Variants in CYP4B1 observed in about 807,000 individuals in gnomAD.
The protein encoded by CYP4B1 is cytochrome P450 4B1.
A neutral mutation model predicts 54.0 loss-of-function variants in CYP4B1; 45 were observed. The ratio of observed to expected loss-of-function variants is 0.83; its 90% CI spans 0.66 to 1.07. CYP4B1 has a LOEUF of 1.07. Among genes scored for constraint, CYP4B1 ranks in the 50% least tolerant of loss-of-function variants. The pLI, the probability that CYP4B1 is intolerant of heterozygous loss-of-function variation, is 0.00. For missense variants in CYP4B1, 656 were observed against 655.4 expected (o/e 1.00, Z -0.01); for synonymous variants, 248 against 247.5 (o/e 1.00, Z -0.02).
At chr1:46,799,879 C>G (rs1678542346) in intron 1 of CYP4B1, among the ~76,000 whole-genome samples, 1 of 152,238 alleles carries the variant, frequency 6.6e-6, no homozygotes, top group Non-Finnish European at 1.5e-5. Context: ...CCCCTGCTCT[C>G]AGGAAGATCT....
intron 7 of CYP4B1, 122 bp from the exon 8 acceptor site, chr1:46,814,952 C>A (rs569231545): frequency 4.9e-6 from 4 of 811,348 alleles, no homozygotes; most frequent in African/African-American, 3.4e-5. Context: ...TCCTAATCCA[C>A]CCTCTGAAAA....
intron 1 of CYP4B1, among the ~76,000 whole-genome samples, chr1:46,808,936 A>G (rs1159319348): frequency 1.6e-5 from 2 of 123,454 alleles, no homozygotes; most frequent in Non-Finnish European, 3.2e-5. Flanking sequence ...ACATGGACAC[A>G]GGAAGGGGAA....
At chr1:46,815,021 T>C in intron 7 of CYP4B1, 53 bp from the exon 8 acceptor site, 1 of 1,530,766 alleles carries the variant, frequency 6.5e-7, no homozygotes, top group Non-Finnish European at 9.0e-7. Context: ...GAGTTCTTCT[T>C]GTTACCCACC....
chr1:46,818,625 C>T lies in CYP4B1; in HGVS notation c.1356-6C>T. 6.2e-7 allele frequency: 1 copy of T among 1,614,102 alleles called. No homozygotes were observed. The highest frequency in any genetic ancestry group is 8.5e-7 in the Non-Finnish European group (1 of 1,179,914). On this transcript the variant is annotated splice_polypyrimidine_tract_variant and splice_region_variant and intron_variant, in intron 11 of 11. Coordinates refer to ENST00000371923, the MANE Select transcript of CYP4B1 (RefSeq NM_001099772.2). ...GCACGATGACTCTTTGTGCTGCTTG[C>T]TACAGGAACTGCATTGGGCAGCAGT... is the stretch of plus-strand genomic sequence containing the variant.
Position 46,814,063 on chromosome 1 carries a change from G to T in CYP4B1, c.775G>T (p.Asp259Tyr), listed in dbSNP as rs776351257. 6.8e-6 allele frequency: 11 copies of T among 1,613,812 alleles called. No individual in the cohort carries two copies. ...CTGCCAGGTGGCCCATGACCATACA[G>T]GTGGGCCTTTCCCACAAGGCTCACC... Reference protein sequence around the residue: ...RACQVAHDHTDQVIRERKAAL... With the variant: ...RACQVAHDHTYQVIRERKAAL... Residue 259 changes from aspartate (D) to tyrosine (Y), a missense_variant and splice_region_variant, in exon 6 of 12, where the codon GAC becomes TAC. Physicochemically the swap from Asp to Tyr is radical, Grantham distance 160. Transcript: ENST00000371923.
At chr1:46,807,859 T>G (rs908815482) in intron 1 of CYP4B1, among the ~76,000 whole-genome samples, 1 of 152,168 alleles carries the variant, frequency 6.6e-6, no homozygotes, top group Non-Finnish European at 1.5e-5. Context: ...CCAGAAAGGA[T>G]CCCTGGGGGC....
At chr1:46,802,533 A>G (rs1396229830) in intron 1 of CYP4B1, among the ~76,000 whole-genome samples, 2 of 152,224 alleles carry the variant, frequency 1.3e-5, no homozygotes, top group Non-Finnish European at 2.9e-5. Flanking sequence ...GTGTTAAATC[A>G]TCATAGAGGG....
At chr1:46,804,391 G>C (rs1172478283) in intron 1 of CYP4B1, among the ~76,000 whole-genome samples, 1 of 152,116 alleles carries the variant, frequency 6.6e-6, no homozygotes, top group Non-Finnish European at 1.5e-5. Context: ...GTGTTAGCTG[G>C]AGGAGGAAGC....
At position 46,813,582 on chromosome 1, in the gene CYP4B1, G is replaced by C. The variant is rs751942342; in HGVS notation, c.596G>C (p.Arg199Thr). ...LNTLMKCTFG[R>T]GDTGLGHSRD... ...ACACTCATGAAGTGCACCTTTGGAAGAGGAGACACCGGCCTGGGCCACAGG... is the reference window on the plus strand; with the variant it reads ...ACACTCATGAAGTGCACCTTTGGAACAGGAGACACCGGCCTGGGCCACAGG... Residue 199 changes from arginine to threonine, a missense_variant, in exon 5 of 12, where the codon AGA becomes ACA. Transcript: ENST00000371923. 28 of 1,614,134 alleles carry C rather than the reference G, an allele frequency of 1.7e-5. No individual in the cohort carries two copies. The highest frequency in any genetic ancestry group is 1.7e-4 in the Middle Eastern group (1 of 6,056).
At chr1:46,810,052 A>G (rs45563134) in intron 1 of CYP4B1, among the ~76,000 whole-genome samples, 34,208 of 152,068 alleles carry the variant, frequency 0.22, 4,120 homozygotes, top group African/African-American at 0.32. Context: ...GGAAGACACC[A>G]TGATCTTTCC....
intron 1 of CYP4B1, among the ~76,000 whole-genome samples, chr1:46,802,190 GGT>G (rs149282133): frequency 6.6e-6 from 1 of 151,118 alleles, no homozygotes; most frequent in Non-Finnish European, 1.5e-5. Flanking sequence ...GGTGTGTGTG[GGT>G]GTGTGTGTGT....
At chr1:46,807,447 A>T (rs545368874) in intron 1 of CYP4B1, among the ~76,000 whole-genome samples, 11 of 152,084 alleles carry the variant, frequency 7.2e-5, no homozygotes, top group African/African-American at 2.7e-4. Context: ...AGGGATGGAG[A>T]GAAGGGGAAT....
Position 46,810,748 on chromosome 1 carries a change from T to TG in CYP4B1, c.181-56dup, listed in dbSNP as rs1679063055. 12 of 1,601,142 alleles carry TG rather than the reference T, an allele frequency of 7.5e-6. 1 individual carries two copies. The South Asian group carries it at 1.1e-4, about 15-fold the overall frequency. On this transcript the variant is annotated intron_variant, in intron 1 of 11. Transcript: ENST00000371923. ...CTTCTCCCCTGCCCTCCCAGGGACT[T>TG]GGGGCCTAGCTGGTGACAATGTGTT...
chr1:46,813,457 A>T, intron 4 of CYP4B1, 25 bp from the exon 5 acceptor site: 1 of 1,613,882 alleles, frequency 6.2e-7, no homozygotes, highest in South Asian at 1.1e-5. Flanking sequence ...CCTCCTACAC[A>T]TTGCCTCCTA....
Position 46,805,959 on chromosome 1 carries a change from C to T in CYP4B1, c.181-4849C>T, listed in dbSNP as rs1008682334. On this transcript the variant is annotated intron_variant, in intron 1 of 11. Coordinates refer to ENST00000371923, the MANE Select transcript of CYP4B1 (RefSeq NM_001099772.2). ...AGCAGTCCTAGGGGGTTCTAGCCCC[C>T]AATTCCCAATCCCTGCAGGACTTCC... is the stretch of plus-strand genomic sequence containing the variant. Among the ~76,000 whole-genome samples the T allele has an allele frequency of 2.0e-5, 3 of 152,182 alleles. No homozygotes were observed. The South Asian group carries it at 6.2e-4, about 32-fold the overall frequency.
intron 11 of CYP4B1, among the ~76,000 whole-genome samples, 174 bp from the exon 12 acceptor site, chr1:46,818,457 G>A (rs1321624413): frequency 1.3e-5 from 2 of 152,126 alleles, no homozygotes; most frequent in African/African-American, 4.8e-5. Context: ...AATCTACCTG[G>A]TCTGGGACCC....
chr1:46,815,252 AC>A lies in CYP4B1; in HGVS notation c.1062del (p.Phe355SerfsTer10). ...EEVREILGDQDFFQWDDLGKM... is the reference protein window; with the variant it reads ...EEVREILGDQXFFQWDDLGKM... ...GTCCGCGAGATCCTAGGGGACCAGG[AC>A]TTCTTCCAGTGGTGAGTCTGAGGGT... is the stretch of plus-strand genomic sequence containing the variant. On this transcript the variant is annotated frameshift_variant, in exon 8 of 12. Coordinates refer to ENST00000371923, the MANE Select transcript of CYP4B1 (RefSeq NM_001099772.2). LOFTEE classifies it high-confidence loss of function. 3 of 1,564,380 alleles carry A rather than the reference AC, an allele frequency of 1.9e-6. No homozygotes were observed. The highest frequency in any genetic ancestry group is 2.6e-6 in the Non-Finnish European group (3 of 1,153,804).
At position 46,818,766 on chromosome 1, in the gene CYP4B1, T is replaced by C; in HGVS notation, c.1491T>C (p.Asn497=). Residue 497 remains asparagine, a synonymous_variant, in exon 12 of 12, where the codon AAT becomes AAC. Coordinates refer to ENST00000371923, the MANE Select transcript of CYP4B1 (RefSeq NM_001099772.2). ...KMPQLVLRSK[N]GFHLHLKPLG... ...CCCAGCTTGTCCTGCGCTCCAAGAA[T>C]GGCTTTCACCTCCACCTGAAGCCAC... The C allele has an allele frequency of 6.2e-7, 1 of 1,614,104 alleles. No individual in the cohort carries two copies. The highest frequency in any genetic ancestry group is 1.1e-5 in the South Asian group (1 of 91,074).
At chr1:46,801,941 G>C (rs904885860) in intron 1 of CYP4B1, among the ~76,000 whole-genome samples, 1 of 152,182 alleles carries the variant, frequency 6.6e-6, no homozygotes, top group Admixed American at 6.5e-5. Flanking sequence ...GCAGGGAAGA[G>C]CTGTCCGTCA....
Sources: allele counts gnomAD v4.1 joint callset (sites outside exome capture counted in the v4.1 genomes callset), GRCh38; gene constraint gnomAD v4.1.1; transcripts MANE v1.5; gene names NCBI Gene and HGNC (gene_info 2026-07-23, HGNC 2026-07-21).